The following LZTFL1 variants were observed in gnomAD, a reference collection of about 807,000 sequenced individuals.
The protein encoded by LZTFL1 is leucine zipper transcription factor like 1.
LZTFL1 carries 25 observed loss-of-function variants against 45.9 expected under a neutral mutation model. The observed-to-expected ratio is 0.54, with a 90% confidence interval of 0.40 to 0.76. The LOEUF is 0.76. LZTFL1 is among the 30% of genes least tolerant of loss of function. The pLI, the probability that LZTFL1 is intolerant of heterozygous loss-of-function variation, is 0.00. For synonymous variants in LZTFL1, 93 were observed against 117.4 expected (o/e 0.79, Z 1.35); for missense variants, 277 against 331.1 (o/e 0.84, Z 1.27).
chr3:45,860,190 C>T lies in LZTFL1; in HGVS notation c.-214-1174G>A, dbSNP rs1050861936. 9.9e-5 allele frequency among the ~76,000 whole-genome samples: 15 copies of T among 151,792 alleles called. No individual in the cohort carries two copies. In the South Asian group the frequency reaches 1.3e-3, roughly 13 times the overall value. ...TTGCGCCACTGCACTCCATCCTGGG[C>T]GACAGAGCCAGACACTGTCTCAAAT... On this transcript the variant is annotated intron_variant, in intron 2 of 4. Coordinates refer to the LZTFL1 transcript ENST00000472635.
chr3:45,837,840 G>T, intron 2 of LZTFL1, 87 bp downstream of exon 2: 1 of 1,382,606 alleles, frequency 7.2e-7, no homozygotes, highest in Non-Finnish European at 9.7e-7. Context: ...CCCAGAAATT[G>T]TCTGGCCTCT....
At chr3:45,840,096 G>A (rs1487436692) in intron 1 of LZTFL1, among the ~76,000 whole-genome samples, 1 of 152,080 alleles carries the variant, frequency 6.6e-6, no homozygotes, top group African/African-American at 2.4e-5. Flanking sequence ...ATAGTGCCTT[G>A]TGCCAGCAGG....
intron 2 of LZTFL1, among the ~76,000 whole-genome samples, chr3:45,890,142 ATTCT>A (rs1233111575): frequency 1.3e-5 from 2 of 148,512 alleles, no homozygotes; most frequent in South Asian, 2.1e-4. Flanking sequence ...TAACAAAGCC[ATTCT>A]TTCTTCTTTT....
chr3:45,841,905 T>C, intron 1 of LZTFL1, 84 bp downstream of exon 1: 2 of 1,541,840 alleles, frequency 1.3e-6, no homozygotes, highest in South Asian at 1.2e-5. Context: ...CACGTAATCA[T>C]TCCGGGCCCA....
intron 2 of LZTFL1, among the ~76,000 whole-genome samples, chr3:45,907,492 CA>C (rs1702705660): frequency 6.6e-6 from 1 of 152,224 alleles, no homozygotes; most frequent in Non-Finnish European, 1.5e-5. Flanking sequence ...TTCTAGACCT[CA>C]AATACACATT....
At chr3:45,846,861 ACTTTTT>A (rs1701224888), upstream of LZTFL1, among the ~76,000 whole-genome samples, 1 of 152,120 alleles carries the variant, frequency 6.6e-6, no homozygotes, top group Non-Finnish European at 1.5e-5. Flanking sequence ...TTTCTGTCTG[ACTTTTT>A]CTTTTTTGTT....
chr3:45,871,529 G>A (rs1701670832), intron 2 of LZTFL1, among the ~76,000 whole-genome samples: 1 of 152,154 alleles, frequency 6.6e-6, no homozygotes. Flanking sequence ...TTTTATTTTT[G>A]TTTTGCAGGA....
In LZTFL1 at chr3:45,901,076, C is replaced by A; in HGVS notation, c.-215+12044G>T. 1.2e-6 allele frequency: 2 copies of A among 1,614,202 alleles called. No individual in the cohort carries two copies. The highest frequency in any genetic ancestry group is 1.7e-6 in the Non-Finnish European group (2 of 1,180,034). ...TGAATTTGGCAATTGCTGACCTCCT[C>A]TTTCTTGTCACTCTTCCCTTCTGGG... On this transcript the variant is annotated intron_variant, in intron 2 of 4. Transcript: ENST00000472635. This position sits in a 1 kb window ranked among gnomAD's most constrained non-coding sequence, Gnocchi z 4.3.
In LZTFL1 at chr3:45,831,116, T is replaced by G; in HGVS notation, c.479A>C (p.Glu160Ala). 1 of 1,600,370 alleles carries G rather than the reference T, an allele frequency of 6.2e-7. No homozygotes were observed. Among genetic ancestry groups the G allele is most frequent in the Non-Finnish European group, 8.5e-7 (1 of 1,174,142 alleles). The change falls in exon 6 of 10, where the codon GAG (glutamate) becomes GCG (alanine). Residue 160 changes from glutamate to alanine, a missense_variant. Transcript: ENST00000296135. ...CAACCTTGACTTCAATTTCTCATTC[T>G]CTTCTTGAAGTCTTAAAATTTCCTT... ...LNKEILRLQE[E>A]NEKLKSRLKT...
intron 2 of LZTFL1, chr3:45,897,751 C>T: frequency 1.6e-6 from 1 of 631,578 alleles, no homozygotes; most frequent in Non-Finnish European, 2.7e-6. Context: ...TCTTTCCTCC[C>T]TTGCCTTCTT....
intron 1 of LZTFL1, among the ~76,000 whole-genome samples, chr3:45,840,894 A>C (rs1161445405): frequency 6.6e-6 from 1 of 152,244 alleles, no homozygotes; most frequent in Non-Finnish European, 1.5e-5. Flanking sequence ...TAATATTTTC[A>C]CAGGTACTGC....
chr3:45,832,091 C>T (rs375825565), intron 5 of LZTFL1, among the ~76,000 whole-genome samples: 5 of 151,868 alleles, frequency 3.3e-5, no homozygotes, highest in African/African-American at 1.2e-4. Context: ...AAAAATTAGC[C>T]GGGCGTGGTG....
chr3:45,865,268 C>A (rs1372167928), intron 2 of LZTFL1, among the ~76,000 whole-genome samples: 1 of 152,232 alleles, frequency 6.6e-6, no homozygotes, highest in Non-Finnish European at 1.5e-5. Flanking sequence ...AAACAGAATT[C>A]TAACCACATT....
chr3:45,830,038 C>T (rs1481818960), intron 7 of LZTFL1, among the ~76,000 whole-genome samples: 1 of 152,174 alleles, frequency 6.6e-6, no homozygotes, highest in African/African-American at 2.4e-5. Context: ...TGAAACCAGA[C>T]TGGCCATGCA....
chr3:45,842,834 A>G (rs1378995014), upstream of LZTFL1, among the ~76,000 whole-genome samples: 1 of 152,198 alleles, frequency 6.6e-6, no homozygotes, highest in African/African-American at 2.4e-5. Context: ...GCACTTTTTA[A>G]CCGATGTTCC....
intron 2 of LZTFL1, chr3:45,883,568 T>G: frequency 3.6e-6 from 1 of 280,596 alleles, no homozygotes; most frequent in Non-Finnish European, 6.9e-6. Context: ...TATTGTGAGT[T>G]GAATGGCGTG....
At chr3:45,904,293 TAA>T (rs2125766925) in intron 2 of LZTFL1, among the ~76,000 whole-genome samples, 1 of 152,326 alleles carries the variant, frequency 6.6e-6, no homozygotes, top group South Asian at 2.1e-4. Flanking sequence ...TTCTAGAAAA[TAA>T]AGATTGCCAA....
intron 2 of LZTFL1, among the ~76,000 whole-genome samples, chr3:45,869,117 A>G (rs1463801654): frequency 2.0e-5 from 3 of 152,330 alleles, no homozygotes; most frequent in South Asian, 4.1e-4. Flanking sequence ...GAAGAGCTAA[A>G]GACAGTGCAT....
chr3:45,878,589 C>A (rs1438438928), intron 2 of LZTFL1, among the ~76,000 whole-genome samples: 1 of 148,810 alleles, frequency 6.7e-6, no homozygotes, highest in Admixed American at 6.6e-5. Context: ...CACAAAGGCC[C>A]TCAAGTAAAA....
Sources: allele counts gnomAD v4.1 joint callset (sites outside exome capture counted in the v4.1 genomes callset), GRCh38; gene constraint gnomAD v4.1.1; non-coding constraint Gnocchi (gnomAD v3.1); transcripts MANE v1.5; gene names NCBI Gene and HGNC (gene_info 2026-07-23, HGNC 2026-07-21).